DENND1A: variants seen among roughly 807,000 people sequenced by gnomAD.
DENND1A encodes the protein DENN domain containing 1A, also known as DENN domain-containing protein 1A.
In DENND1A, 51 loss-of-function variants were observed where a neutral mutation model predicts 113.7. The ratio of observed to expected loss-of-function variants is 0.45; its 90% CI spans 0.36 to 0.57. The LOEUF (loss-of-function observed/expected upper bound fraction) is 0.57. DENND1A is among the 20% of genes least tolerant of loss of function. The probability of loss-of-function intolerance (pLI) is 0.00; values close to 1 mark genes in which losing one functional copy is unlikely to be tolerated. For synonymous variants in DENND1A, 565 were observed against 570.8 expected (o/e 0.99, Z 0.14); for missense variants, 1,258 against 1,395.9 (o/e 0.90, Z 1.57).
chr9:123,849,370 G>A (rs1289173461), intron 2 of DENND1A, among the ~76,000 whole-genome samples: 1 of 152,184 alleles, frequency 6.6e-6, no homozygotes, highest in Non-Finnish European at 1.5e-5. Flanking sequence ...CTGGATGCCA[G>A]CACATCATTT....
At chr9:123,630,828 ATTC>A (rs1004237481) in intron 9 of DENND1A, among the ~76,000 whole-genome samples, 13 of 152,240 alleles carry the variant, frequency 8.5e-5, no homozygotes, top group African/African-American at 3.1e-4. Context: ...ACTATACAGT[ATTC>A]TTCTGTGTTT....
At chr9:123,396,456 G>C (rs1272009700) in intron 21 of DENND1A, among the ~76,000 whole-genome samples, 1 of 152,264 alleles carries the variant, frequency 6.6e-6, no homozygotes, top group Non-Finnish European at 1.5e-5. Context: ...GATCTGCTGA[G>C]GCTATGCTGA....
intron 5 of DENND1A, among the ~76,000 whole-genome samples, chr9:123,689,594 G>A (rs2065036772): frequency 6.6e-6 from 1 of 152,126 alleles, no homozygotes; most frequent in South Asian, 2.1e-4. Context: ...TGGCTAGAGA[G>A]ATTACAGCAA....
At chr9:123,403,656 G>A (rs2043692544) in intron 20 of DENND1A, 166 bp from the exon 21 acceptor site, 4 of 624,940 alleles carry the variant, frequency 6.4e-6, no homozygotes, top group Non-Finnish European at 1.1e-5. Context: ...CCATCTAATA[G>A]GCAGCAGACA....
At chr9:123,531,553 C>A (rs2564364) in intron 13 of DENND1A, among the ~76,000 whole-genome samples, 2,645 of 56,714 alleles carry the variant, frequency 0.047, 21 homozygotes, top group African/African-American at 0.055. Flanking sequence ...CCCTCTCTCT[C>A]TACACACACA....
At chr9:123,723,102 C>A (rs867495865) in intron 5 of DENND1A, among the ~76,000 whole-genome samples, 2 of 152,250 alleles carry the variant, frequency 1.3e-5, no homozygotes, top group Admixed American at 1.3e-4. Context: ...ATCAGCATGA[C>A]CTGGATGTGA....
Position 123,757,688 on chromosome 9 carries a change from A to T in DENND1A, c.302+15T>A, listed in dbSNP as rs368662139. 6.2e-7 allele frequency: 1 copy of T among 1,613,102 alleles called. No individual in the cohort carries two copies. The highest frequency in any genetic ancestry group is 8.5e-7 in the Non-Finnish European group (1 of 1,179,438). On this transcript the variant is annotated intron_variant, in intron 5 of 23. Coordinates refer to ENST00000394215, the MANE Select transcript of DENND1A (RefSeq NM_001352964.2). The stretch of plus-strand genomic sequence containing the variant: ...CTTCAGAGAACAAGCCAACAGCCCA[A>T]GCCTTCTCCCTTACCTTAAGATACA...
chr9:123,839,709 G>C lies in DENND1A; in HGVS notation c.88+39242C>G, dbSNP rs1330178331. On this transcript the variant is annotated intron_variant, in intron 2 of 23. Transcript: ENST00000394215. ...TAAATTGAATAATTTGGAATCCTGT[G>C]AAGAGTTCCACCTTACAGCAGATTC... is the stretch of plus-strand genomic sequence containing the variant. Among the ~76,000 whole-genome samples the C allele has an allele frequency of 2.0e-5, 3 of 152,178 alleles. No homozygotes were observed. In the East Asian group the frequency reaches 5.8e-4, roughly 29 times the overall value.
At chr9:123,617,656 C>T (rs894116762) in intron 10 of DENND1A, among the ~76,000 whole-genome samples, 6 of 152,154 alleles carry the variant, frequency 3.9e-5, no homozygotes, top group Non-Finnish European at 7.3e-5. Flanking sequence ...GCGACAGACT[C>T]GGAAAACATC....
chr9:123,742,798 T>G (rs944541692), intron 5 of DENND1A, among the ~76,000 whole-genome samples: 3 of 152,162 alleles, frequency 2.0e-5, no homozygotes, highest in African/African-American at 7.2e-5. Context: ...CTGAGAAAAT[T>G]AACAGGTCAA....
At chr9:123,398,821 G>C (rs2043275813) in intron 21 of DENND1A, among the ~76,000 whole-genome samples, 1 of 148,996 alleles carries the variant, frequency 6.7e-6, no homozygotes, top group African/African-American at 2.5e-5. Flanking sequence ...TGGAGACAGA[G>C]TCTCGTTCTG....
At chr9:123,440,285 T>G (rs981905984) in intron 19 of DENND1A, 75 bp downstream of exon 19, 1 of 1,480,250 alleles carries the variant, frequency 6.8e-7, no homozygotes, top group African/African-American at 1.5e-5. Context: ...AACCGTCTGC[T>G]GCATGTGCTA....
intron 8 of DENND1A, among the ~76,000 whole-genome samples, chr9:123,653,559 C>T (rs1212339511): frequency 6.6e-6 from 1 of 152,188 alleles, no homozygotes; most frequent in Non-Finnish European, 1.5e-5. Flanking sequence ...TATTATCCCT[C>T]TACGAAGATG....
Position 123,741,940 on chromosome 9 carries a change from T to C in DENND1A, c.302+15763A>G, listed in dbSNP as rs551665883. On this transcript the variant is annotated intron_variant, in intron 5 of 23. Coordinates refer to ENST00000394215, the MANE Select transcript of DENND1A (RefSeq NM_001352964.2). ...TTTCTTTCCTTTAAAAAGAAAGTAC[T>C]GAGGGATAATTCTGATGTGTCTATT... 2.6e-5 allele frequency among the ~76,000 whole-genome samples: 4 copies of C among 152,352 alleles called. 1 individual carries two copies. In the South Asian group the frequency reaches 6.2e-4, roughly 24 times the overall value.
At chr9:123,510,521 A>G (rs889023122) in intron 13 of DENND1A, among the ~76,000 whole-genome samples, 1 of 152,204 alleles carries the variant, frequency 6.6e-6, no homozygotes, top group African/African-American at 2.4e-5. Flanking sequence ...CAGAGAAGGG[A>G]CTGGTGTTCC....
chr9:123,647,747 T>C (rs2062415045), intron 9 of DENND1A, among the ~76,000 whole-genome samples: 2 of 152,218 alleles, frequency 1.3e-5, no homozygotes, highest in Admixed American at 6.5e-5. Flanking sequence ...TTCATTTTCA[T>C]TGATCCGATC....
intron 13 of DENND1A, among the ~76,000 whole-genome samples, chr9:123,514,042 G>C (rs1273058698): frequency 1.3e-5 from 2 of 150,546 alleles, no homozygotes; most frequent in African/African-American, 2.4e-5. Context: ...GGAAAGGTTG[G>C]GCAAGGTAGG....
chr9:123,508,532 T>C (rs1588900374), intron 13 of DENND1A, among the ~76,000 whole-genome samples: 1 of 152,228 alleles, frequency 6.6e-6, no homozygotes. Context: ...TTTCTTGTAA[T>C]TGTGCCATGA....
At chr9:123,526,759 T>G (rs746461767) in intron 13 of DENND1A, among the ~76,000 whole-genome samples, 1 of 152,248 alleles carries the variant, frequency 6.6e-6, no homozygotes, top group African/African-American at 2.4e-5. Flanking sequence ...CTGACTTCTT[T>G]GCCAGCCCCT....
Sources: gnomAD v4.1 joint callset for allele counts (sites outside exome capture counted in the v4.1 genomes callset) on GRCh38, gnomAD v4.1.1 for gene constraint, MANE v1.5 for transcripts, NCBI Gene and HGNC (gene_info 2026-07-23, HGNC 2026-07-21) for gene names.